SLIT3: variants seen among roughly 807,000 people sequenced by gnomAD.
The protein encoded by SLIT3 is slit guidance ligand 3, also known as slit homolog 3 protein.
SLIT3 carries 68 observed loss-of-function variants against 184.0 expected under a neutral mutation model. That is an observed-to-expected ratio of 0.37 (90% CI 0.30 to 0.45). The LOEUF is 0.45. Ranked by LOEUF, SLIT3 falls within the 20% of genes least tolerant of loss-of-function variation. The pLI is 1.00. For missense variants in SLIT3, 1,707 were observed against 2,026.0 expected (o/e 0.84, Z 3.02); for synonymous variants, 831 against 828.6 (o/e 1.00, Z -0.05).
At chr5:169,229,851 C>T (rs1176383148) in intron 3 of SLIT3, among the ~76,000 whole-genome samples, 3 of 152,102 alleles carry the variant, frequency 2.0e-5, no homozygotes, top group Non-Finnish European at 4.4e-5. Flanking sequence ...TGAACCTGAG[C>T]ATAGGCACCC....
At chr5:169,206,652 CTTTCA>C (rs1764076043) in intron 3 of SLIT3, among the ~76,000 whole-genome samples, 1 of 152,166 alleles carries the variant, frequency 6.6e-6, no homozygotes, top group Admixed American at 6.5e-5. Context: ...ACAAATTTCT[CTTTCA>C]TTTTTGTTCT....
chr5:168,748,513 T>C, intron 19 of SLIT3, 79 bp from the exon 20 acceptor site: 1 of 1,386,068 alleles, frequency 7.2e-7, no homozygotes, highest in Non-Finnish European at 9.5e-7. Flanking sequence ...GGCTGCGTGT[T>C]CTCCACAAAG....
Position 168,930,776 on chromosome 5 carries a change from G to A in SLIT3, c.414-47440C>T, listed in dbSNP as rs76168485. ...CAGTTCACATGAGAAGCTAAGGTCC[G>A]GTTCTGGAAACTCTCAAACCAGCAG... On this transcript the variant is annotated intron_variant, in intron 4 of 35. Coordinates refer to ENST00000519560, the MANE Select transcript of SLIT3 (RefSeq NM_003062.4). 3.2e-3 allele frequency among the ~76,000 whole-genome samples: 483 copies of A among 151,974 alleles called. 5 individuals are homozygous for A. The highest frequency in any genetic ancestry group is 0.014 in the Middle Eastern group (4 of 294).
At chr5:168,871,836 G>A (rs182733103) in intron 5 of SLIT3, among the ~76,000 whole-genome samples, 6 of 152,274 alleles carry the variant, frequency 3.9e-5, no homozygotes, top group Admixed American at 6.5e-5. Flanking sequence ...TAAGGAGGAG[G>A]CATGCAATTT....
At position 168,868,453 on chromosome 5, in the gene SLIT3, TAAA is replaced by T. The variant is rs528663527; in HGVS notation, c.485+14809_485+14811del. Among the ~76,000 whole-genome samples, 8 of 152,276 alleles carry T rather than the reference TAAA, an allele frequency of 5.3e-5. No individual in the cohort carries two copies. The South Asian group carries it at 1.7e-3, about 32-fold the overall frequency. ...CTATAGGTTCATTTAACTTTCACGTTAAAAATTATGGCTTGGCCGGGCGCAGCG... is the reference window on the plus strand; with the variant it reads ...CTATAGGTTCATTTAACTTTCACGTTAATTATGGCTTGGCCGGGCGCAGCG... On this transcript the variant is annotated intron_variant, in intron 5 of 35. Coordinates refer to ENST00000519560, the MANE Select transcript of SLIT3 (RefSeq NM_003062.4).
At position 169,300,455 on chromosome 5, in the gene SLIT3, G is replaced by A; in HGVS notation, c.197+58C>T. On this transcript the variant is annotated intron_variant, in intron 1 of 35. Coordinates refer to ENST00000519560, the MANE Select transcript of SLIT3 (RefSeq NM_003062.4). The surrounding 1 kb of genome is among the most constrained non-coding windows in gnomAD (Gnocchi z 4.1). The stretch of plus-strand genomic sequence containing the variant: ...GGGAAAGGACGGATCTGGCGCCTGG[G>A]GCCCCCTCGGTGGGACCCAGGTGGG... The A allele has an allele frequency of 7.2e-7, 1 of 1,393,446 alleles. No individual in the cohort carries two copies. The highest frequency in any genetic ancestry group is 9.3e-7 in the Non-Finnish European group (1 of 1,076,030). The allele number at this position is 1,393,446 out of a possible 1,614,324, so 86.3% of individuals were successfully genotyped here. A position where few individuals can be genotyped will look rare whatever the true frequency, so the allele number is the denominator to read the frequency against.
At chr5:169,155,532 G>C (rs1282137018) in intron 4 of SLIT3, among the ~76,000 whole-genome samples, 1 of 152,160 alleles carries the variant, frequency 6.6e-6, no homozygotes, top group African/African-American at 2.4e-5. Flanking sequence ...CAATTCTAAC[G>C]TAGATACAAG....
intron 8 of SLIT3, among the ~76,000 whole-genome samples, chr5:168,807,889 C>T (rs1025086151): frequency 4.6e-5 from 7 of 152,112 alleles, no homozygotes; most frequent in East Asian, 1.9e-4. Context: ...GAAGGTGGTG[C>T]GCTCTCCGCG....
intron 15 of SLIT3, among the ~76,000 whole-genome samples, chr5:168,761,921 ATT>A (rs10654069): frequency 2.7e-4 from 30 of 110,492 alleles, no homozygotes; most frequent in South Asian, 2.4e-3. Context: ...AAAAAAAAAA[ATT>A]TTTTTTTTTT....
chr5:169,087,329 T>C (rs1759347446), intron 4 of SLIT3, among the ~76,000 whole-genome samples: 1 of 152,166 alleles, frequency 6.6e-6, no homozygotes, highest in Non-Finnish European at 1.5e-5. Context: ...GTGAGGTTGG[T>C]AATGCTGCCA....
intron 12 of SLIT3, 40 bp downstream of exon 12, chr5:168,785,865 GAC>G: frequency 1.4e-6 from 2 of 1,451,428 alleles, no homozygotes; most frequent in Non-Finnish European, 1.9e-6. Context: ...GGAGCCTTCC[GAC>G]AGTACCAAAG....
intron 3 of SLIT3, among the ~76,000 whole-genome samples, chr5:169,229,770 A>G (rs1764934857): frequency 6.6e-6 from 1 of 152,156 alleles, no homozygotes; most frequent in African/African-American, 2.4e-5. Context: ...AGCACTTCAT[A>G]TAGGTAATCT....
chr5:168,935,274 T>C (rs1762124420), intron 4 of SLIT3, among the ~76,000 whole-genome samples: 1 of 152,114 alleles, frequency 6.6e-6, no homozygotes, highest in Admixed American at 6.5e-5. Flanking sequence ...CACTCTAAAA[T>C]GTGGTGAAGT....
chr5:168,931,109 T>A (rs989170865), intron 4 of SLIT3, among the ~76,000 whole-genome samples: 5 of 152,150 alleles, frequency 3.3e-5, no homozygotes, highest in Non-Finnish European at 7.4e-5. Context: ...TCTCTCTAAT[T>A]GTCTTATTGG....
chr5:169,257,362 G>A (rs1245992253), intron 1 of SLIT3, among the ~76,000 whole-genome samples: 2 of 129,998 alleles, frequency 1.5e-5, no homozygotes, highest in Non-Finnish European at 3.3e-5. Context: ...GATCCCCACA[G>A]CCCCCCACCC....
chr5:168,701,834 G>A (rs990851696), intron 26 of SLIT3, among the ~76,000 whole-genome samples: 5 of 152,216 alleles, frequency 3.3e-5, no homozygotes, highest in Admixed American at 6.5e-5. Context: ...CCACCTGCTC[G>A]CCATCTGCCT....
chr5:168,780,571 T>C (rs1755934303), intron 12 of SLIT3, among the ~76,000 whole-genome samples: 2 of 152,244 alleles, frequency 1.3e-5, no homozygotes, highest in South Asian at 4.1e-4. Flanking sequence ...AAAAGTGCTC[T>C]GTGTGTCCCT....
intron 4 of SLIT3, among the ~76,000 whole-genome samples, chr5:169,148,860 GTT>G (rs573168704): frequency 7.3e-5 from 11 of 150,014 alleles, no homozygotes; most frequent in African/African-American, 2.8e-4. Context: ...AATCGGTGAT[GTT>G]TGTGACTAAC....
intron 4 of SLIT3, among the ~76,000 whole-genome samples, chr5:168,944,278 G>A (rs1014230879): frequency 6.6e-6 from 1 of 151,878 alleles, no homozygotes; most frequent in East Asian, 2.0e-4. Context: ...GCTGTGTCTT[G>A]TGGGGCAGGG....
Sources: allele counts gnomAD v4.1 joint callset (sites outside exome capture counted in the v4.1 genomes callset), GRCh38; gene constraint gnomAD v4.1.1; non-coding constraint Gnocchi (gnomAD v3.1); transcripts MANE v1.5; gene names NCBI Gene and HGNC (gene_info 2026-07-23, HGNC 2026-07-21).